Variants in RAD51B observed in about 807,000 individuals in gnomAD.
RAD51B encodes the protein RAD51 paralog B.
Under a neutral mutation model 42.2 loss-of-function variants are expected in RAD51B, and 38 were observed. The observed-to-expected ratio is 0.90, with a 90% confidence interval of 0.70 to 1.18. RAD51B has a LOEUF of 1.18. Among genes scored for constraint, RAD51B ranks in the 50% most tolerant of loss-of-function variants. The pLI is 0.00. For synonymous variants in RAD51B, 154 were observed against 145.2 expected, an observed-to-expected ratio of 1.06 and a Z score of -0.43; for missense variants, 373 against 400.7, an observed-to-expected ratio of 0.93 and a Z score of 0.59.
In RAD51B at chr14:68,455,167, T is replaced by G. The variant is rs149236948; in HGVS notation, c.958-13005T>G. 3.3e-3 allele frequency among the ~76,000 whole-genome samples: 497 copies of G among 152,292 alleles called. 2 individuals are homozygous for G. Among genetic ancestry groups the G allele is most frequent in the Middle Eastern group, 0.014 (4 of 294 alleles). ...ATGTATAAGGGACCTTCAATAAAAT[T>G]AACTGACTGACTTCTCATCAGAAAC... On this transcript the variant is annotated intron_variant, in intron 9 of 10. Transcript: ENST00000471583.
chr14:68,499,254 C>T (rs1329320500), intron 10 of RAD51B, among the ~76,000 whole-genome samples: 1 of 152,148 alleles, frequency 6.6e-6, no homozygotes, highest in Non-Finnish European at 1.5e-5. Context: ...AGACTTGAGT[C>T]CCCCATTGGA....
intron 8 of RAD51B, among the ~76,000 whole-genome samples, chr14:68,377,862 G>A (rs2083402679): frequency 6.6e-6 from 1 of 152,152 alleles, no homozygotes; most frequent in Non-Finnish European, 1.5e-5. Flanking sequence ...TCTCAAATTG[G>A]GAGCTGTAGA....
intron 4 of RAD51B, among the ~76,000 whole-genome samples, chr14:67,848,132 C>T (rs966309985): frequency 6.6e-6 from 1 of 152,200 alleles, no homozygotes; most frequent in Non-Finnish European, 1.5e-5. Flanking sequence ...ATTCTTCTGC[C>T]TCAGCCTCCC....
At chr14:68,321,292 C>T (rs1251541183) in intron 8 of RAD51B, among the ~76,000 whole-genome samples, 2 of 152,152 alleles carry the variant, frequency 1.3e-5, no homozygotes, top group African/African-American at 2.4e-5. Flanking sequence ...AGCCCAGTCG[C>T]CCACTCCCCT....
intron 10 of RAD51B, among the ~76,000 whole-genome samples, chr14:68,536,569 T>C (rs1173508118): frequency 1.3e-5 from 2 of 152,226 alleles, no homozygotes; most frequent in African/African-American, 4.8e-5. Flanking sequence ...ACTCTTAAAT[T>C]TACTGTCACA....
chr14:68,634,458 G>A (rs1892300836), intron 10 of RAD51B, among the ~76,000 whole-genome samples: 1 of 152,212 alleles, frequency 6.6e-6, no homozygotes, highest in East Asian at 1.9e-4. Flanking sequence ...ATGTGGGGAG[G>A]AGAGAACGTG....
chr14:68,537,392 G>C (rs911131696), intron 10 of RAD51B, among the ~76,000 whole-genome samples: 4 of 151,838 alleles, frequency 2.6e-5, no homozygotes, highest in Non-Finnish European at 4.4e-5. Flanking sequence ...CCAGCTACTC[G>C]GGAGGCTGAG....
At chr14:68,271,966 T>C (rs1595637252) in intron 7 of RAD51B, among the ~76,000 whole-genome samples, 1 of 152,232 alleles carries the variant, frequency 6.6e-6, no homozygotes, top group Non-Finnish European at 1.5e-5. Flanking sequence ...GGCAAATGCA[T>C]GAAGTTATCT....
At chr14:68,080,619 T>C (rs892366398) in intron 7 of RAD51B, among the ~76,000 whole-genome samples, 4 of 152,212 alleles carry the variant, frequency 2.6e-5, no homozygotes, top group Admixed American at 6.5e-5. Flanking sequence ...CCTTCTTTTC[T>C]TTTAACCTAG....
At chr14:68,633,825 T>C (rs1236564042) in intron 10 of RAD51B, among the ~76,000 whole-genome samples, 1 of 152,182 alleles carries the variant, frequency 6.6e-6, no homozygotes, top group Non-Finnish European at 1.5e-5. Context: ...AGTGGCCTCT[T>C]TTTGGCCAGG....
At chr14:67,974,082 G>A (rs1218528903) in intron 7 of RAD51B, among the ~76,000 whole-genome samples, 2 of 152,140 alleles carry the variant, frequency 1.3e-5, no homozygotes, top group Non-Finnish European at 2.9e-5. Flanking sequence ...ATGGGTTCAG[G>A]ATTGTTCAGT....
At chr14:68,084,328 A>G (rs1595373203) in intron 7 of RAD51B, among the ~76,000 whole-genome samples, 2 of 152,192 alleles carry the variant, frequency 1.3e-5, no homozygotes, top group Non-Finnish European at 2.9e-5. Flanking sequence ...TGCTTTTGGT[A>G]GTGCCTTGTT....
intron 7 of RAD51B, among the ~76,000 whole-genome samples, chr14:67,942,890 C>T (rs535514741): frequency 6.6e-6 from 1 of 152,118 alleles, no homozygotes; most frequent in East Asian, 1.9e-4. Flanking sequence ...TTGTTTCTCT[C>T]GAAATGGTCA....
chr14:68,201,201 T>A (rs965518536), intron 7 of RAD51B, among the ~76,000 whole-genome samples: 1 of 152,216 alleles, frequency 6.6e-6, no homozygotes, highest in Non-Finnish European at 1.5e-5. Context: ...AAAGCGTGTA[T>A]GTAATTTATT....
At chr14:68,181,268 C>T (rs1566709690) in intron 7 of RAD51B, among the ~76,000 whole-genome samples, 1 of 152,170 alleles carries the variant, frequency 6.6e-6, no homozygotes. Flanking sequence ...CCATGAATAC[C>T]TTGCCATGTT....
rs2075401825 is a variant in RAD51B at position 67,997,317 on chromosome 14, A to G, written c.756+110113A>G. Among the ~76,000 whole-genome samples, 4 of 152,192 alleles carry G rather than the reference A, an allele frequency of 2.6e-5. No individual in the cohort carries two copies. The South Asian group carries it at 8.3e-4, about 31-fold the overall frequency. ...ATGGATTCAGGCAAAGTAGGGGAAA[A>G]GAGGGAACCAACAAAGGAGACTGAG... On this transcript the variant is annotated intron_variant, in intron 7 of 10. Coordinates refer to ENST00000471583, the MANE Select transcript of RAD51B (RefSeq NM_133510.4).
intron 7 of RAD51B, among the ~76,000 whole-genome samples, chr14:68,273,170 G>C (rs1412387022): frequency 6.6e-6 from 1 of 152,102 alleles, no homozygotes; most frequent in Admixed American, 6.5e-5. Flanking sequence ...GGGAATAACT[G>C]AGATTAACTG....
intron 7 of RAD51B, among the ~76,000 whole-genome samples, chr14:68,232,317 G>A (rs1351771406): frequency 6.6e-6 from 1 of 152,062 alleles, no homozygotes; most frequent in Non-Finnish European, 1.5e-5. Context: ...CAAACCTTAA[G>A]CAGGAAAAGT....
chr14:68,153,026 A>C (rs1271902442), intron 7 of RAD51B, among the ~76,000 whole-genome samples: 1 of 152,088 alleles, frequency 6.6e-6, no homozygotes, highest in Admixed American at 6.5e-5. Flanking sequence ...GGTTGATTCC[A>C]TGTCCTTGCT....
Sources: gnomAD v4.1 joint callset for allele counts (sites outside exome capture counted in the v4.1 genomes callset) on GRCh38, gnomAD v4.1.1 for gene constraint, MANE v1.5 for transcripts, NCBI Gene and HGNC (gene_info 2026-07-23, HGNC 2026-07-21) for gene names.